MYO1H: variants seen among roughly 807,000 people sequenced by gnomAD.
MYO1H encodes the protein unconventional myosin-Ih.
Under a neutral mutation model 149.3 loss-of-function variants are expected in MYO1H, and 118 were observed. The ratio of observed to expected loss-of-function variants is 0.79; its 90% CI spans 0.68 to 0.92. The LOEUF (loss-of-function observed/expected upper bound fraction) is 0.92. Ranked by LOEUF, MYO1H falls within the 40% of genes least tolerant of loss-of-function variation. The probability of loss-of-function intolerance (pLI) is 0.00; values close to 1 mark genes in which losing one functional copy is unlikely to be tolerated. For missense variants in MYO1H, 1,212 were observed against 1,280.7 expected, an observed-to-expected ratio of 0.95 and a Z score of 0.82; for synonymous variants, 447 against 465.2, an observed-to-expected ratio of 0.96 and a Z score of 0.50.
intron 1 of MYO1H, among the ~76,000 whole-genome samples, chr12:109,376,681 T>C (rs1446368248): frequency 6.6e-6 from 1 of 152,218 alleles, no homozygotes; most frequent in Non-Finnish European, 1.5e-5. Flanking sequence ...TATCATACTA[T>C]CTGGATTAAT....
intron 1 of MYO1H, among the ~76,000 whole-genome samples, chr12:109,349,856 G>C (rs1208668973): frequency 6.6e-6 from 1 of 151,248 alleles, no homozygotes; most frequent in Non-Finnish European, 1.5e-5. Context: ...AGCTACTCGG[G>C]AGGCTGAGGC....
chr12:109,342,541 C>CTTT, the MYO1H span, among the ~76,000 whole-genome samples: 300 of 100,516 alleles, frequency 3.0e-3, 18 homozygotes, highest in African/African-American at 9.8e-3. Context: ...CTTCAGGAGA[C>CTTT]TTTTTTTTTT....
the MYO1H span, among the ~76,000 whole-genome samples, chr12:109,329,347 GC>G: frequency 1.3e-5 from 2 of 152,166 alleles, no homozygotes; most frequent in African/African-American, 4.8e-5. Context: ...GACCTGGAAA[GC>G]CTAAAATATT....
chr12:109,314,888 C>T, the MYO1H span, among the ~76,000 whole-genome samples: 1 of 152,108 alleles, frequency 6.6e-6, no homozygotes, highest in Admixed American at 6.5e-5. Context: ...TCACTTGAGC[C>T]CAGGAATTCG....
At chr12:109,434,602 C>T (rs1398957339) in intron 20 of MYO1H, among the ~76,000 whole-genome samples, 1 of 152,188 alleles carries the variant, frequency 6.6e-6, no homozygotes, top group Non-Finnish European at 1.5e-5. Context: ...TTATTCATTT[C>T]CTAGGACTGC....
intron 1 of MYO1H, among the ~76,000 whole-genome samples, chr12:109,362,280 T>C (rs1868770663): frequency 6.6e-6 from 1 of 152,238 alleles, no homozygotes; most frequent in Non-Finnish European, 1.5e-5. Flanking sequence ...AAAGGACATC[T>C]TTCTGTATTC....
chr12:109,445,138 G>A (rs1438421535), intron 30 of MYO1H, among the ~76,000 whole-genome samples: 1 of 152,180 alleles, frequency 6.6e-6, no homozygotes, highest in Admixed American at 6.5e-5. Context: ...TTAACAACCA[G>A]AGCACATTTG....
chr12:109,350,618 G>A (rs747561105), intron 1 of MYO1H, among the ~76,000 whole-genome samples: 4 of 152,146 alleles, frequency 2.6e-5, no homozygotes, highest in Middle Eastern at 3.4e-3. Context: ...GCGTGAAAAC[G>A]AACTAATAAA....
the MYO1H span, among the ~76,000 whole-genome samples, chr12:109,312,768 T>C: frequency 7.1e-6 from 1 of 141,768 alleles, no homozygotes; most frequent in African/African-American, 2.8e-5. Context: ...AGGTTTTTTT[T>C]GTTTGTTTTT....
intron 1 of MYO1H, among the ~76,000 whole-genome samples, chr12:109,388,162 T>C (rs1471642107): frequency 6.6e-6 from 1 of 151,884 alleles, no homozygotes; most frequent in Non-Finnish European, 1.5e-5. Context: ...AATTAACACT[T>C]ATTGAAATAA....
the MYO1H span, among the ~76,000 whole-genome samples, chr12:109,321,414 G>A: frequency 3.3e-5 from 5 of 151,414 alleles, no homozygotes; most frequent in Admixed American, 6.6e-5. Flanking sequence ...TTAGCCGGGT[G>A]TGGTGACGGG....
the MYO1H span, among the ~76,000 whole-genome samples, chr12:109,325,150 T>C: frequency 6.6e-6 from 1 of 152,248 alleles, no homozygotes; most frequent in Non-Finnish European, 1.5e-5. Context: ...TTCCAAGTCA[T>C]TGCTATTGTA....
At chr12:109,312,792 T>G in the MYO1H span, among the ~76,000 whole-genome samples, 7 of 26,002 alleles carry the variant, frequency 2.7e-4, no homozygotes, top group East Asian at 4.2e-3. Context: ...TTTGTTTTGT[T>G]TTTTTTTTTT....
In MYO1H at chr12:109,442,280, G is replaced by T; in HGVS notation, c.2688+8G>T. 6.2e-7 allele frequency: 1 copy of T among 1,612,868 alleles called. No individual in the cohort carries two copies. Among genetic ancestry groups the T allele is most frequent in the Non-Finnish European group, 8.5e-7 (1 of 1,178,878 alleles). On this transcript the variant is annotated splice_region_variant and intron_variant, in intron 27 of 31. Transcript: ENST00000310903. ...AGCCATGAGAAAATCCAGGTAAGGCGATGTGTGTCCTCAGTCTCAAACAGG... is the reference window on the plus strand; with the variant it reads ...AGCCATGAGAAAATCCAGGTAAGGCTATGTGTGTCCTCAGTCTCAAACAGG...
intron 6 of MYO1H, among the ~76,000 whole-genome samples, chr12:109,402,814 G>T (rs2137051986): frequency 1.3e-5 from 2 of 151,936 alleles, no homozygotes; most frequent in Admixed American, 1.3e-4. Context: ...GACCAGAAAG[G>T]GTCAATTTGT....
At chr12:109,441,165 G>A (rs1172360015) in intron 25 of MYO1H, among the ~76,000 whole-genome samples, 5 of 152,208 alleles carry the variant, frequency 3.3e-5, no homozygotes, top group South Asian at 2.1e-4. Context: ...GGCTAGAAGA[G>A]TAACTATTTC....
intron 15 of MYO1H, among the ~76,000 whole-genome samples, chr12:109,416,274 AT>A (rs1227784527): frequency 3.3e-5 from 5 of 151,932 alleles, no homozygotes; most frequent in Admixed American, 2.6e-4. Flanking sequence ...TCCTGTACCC[AT>A]TAGCAGGCAC....
At chr12:109,433,119 GGAGATTTGC>G in intron 20 of MYO1H, 109 bp downstream of exon 20, 1 of 871,236 alleles carries the variant, frequency 1.1e-6, no homozygotes. Flanking sequence ...AGGGATTTAT[GGAGATTTGC>G]GAGATTTATG....
At chr12:109,378,618 C>G (rs1377180259) in intron 1 of MYO1H, among the ~76,000 whole-genome samples, 1 of 152,246 alleles carries the variant, frequency 6.6e-6, no homozygotes, top group African/African-American at 2.4e-5. Context: ...TGTGCCCGAC[C>G]TGCACCATTT....
Sources: allele counts gnomAD v4.1 joint callset (sites outside exome capture counted in the v4.1 genomes callset), GRCh38; gene constraint gnomAD v4.1.1; transcripts MANE v1.5; gene names NCBI Gene and HGNC (gene_info 2026-07-23, HGNC 2026-07-21).